Variants in GALNT2 observed in about 807,000 individuals in gnomAD.
GALNT2 encodes the protein UDP-GalNAc:polypeptide N-acetylgalactosaminyltransferase 2.
A neutral mutation model predicts 81.4 loss-of-function variants in GALNT2; 31 were observed. That is an observed-to-expected ratio of 0.38 (90% confidence interval 0.29 to 0.51). The LOEUF (loss-of-function observed/expected upper bound fraction) is 0.51, where lower values mean the gene tolerates loss of function less well. Ranked by LOEUF, GALNT2 falls within the 20% of genes least tolerant of loss-of-function variation. The probability of loss-of-function intolerance (pLI) is 0.87; values close to 1 mark genes in which losing one functional copy is unlikely to be tolerated. For missense variants in GALNT2, 629 were observed against 765.7 expected (o/e 0.82, Z 2.11); for synonymous variants, 303 against 287.4 (o/e 1.05, Z -0.55).
At chr1:230,177,666 C>T (rs191014986) in intron 1 of GALNT2, among the ~76,000 whole-genome samples, 2 of 152,090 alleles carry the variant, frequency 1.3e-5, no homozygotes, top group African/African-American at 2.4e-5. Flanking sequence ...CATTGGCAGT[C>T]CTATTAGAGT....
intron 2 of GALNT2, among the ~76,000 whole-genome samples, chr1:230,182,530 G>C (rs559038897): frequency 2.0e-5 from 3 of 152,214 alleles, no homozygotes; most frequent in African/African-American, 7.2e-5. Context: ...CATGTACTTT[G>C]GGATTTCCCA....
At chr1:230,268,299 T>C (rs1460880925) in intron 14 of GALNT2, 1 of 150,960 alleles carries the variant, frequency 6.6e-6, no homozygotes, top group Admixed American at 6.6e-5. Context: ...TGGGTGAAGC[T>C]TACCTCTGGT....
chr1:230,253,599 TG>T (rs1665616486), intron 10 of GALNT2, among the ~76,000 whole-genome samples: 2 of 152,366 alleles, frequency 1.3e-5, no homozygotes, highest in East Asian at 3.9e-4. Flanking sequence ...TACATAGTGA[TG>T]TTTTTAATAC....
chr1:230,149,631 C>T (rs1467816434), intron 1 of GALNT2, among the ~76,000 whole-genome samples: 1 of 152,068 alleles, frequency 6.6e-6, no homozygotes, highest in Non-Finnish European at 1.5e-5. Flanking sequence ...GTGCGTCCTG[C>T]CACAGTGTTA....
intron 1 of GALNT2, among the ~76,000 whole-genome samples, chr1:230,139,345 T>C (rs1401908093): frequency 2.0e-5 from 3 of 152,226 alleles, no homozygotes; most frequent in Non-Finnish European, 4.4e-5. Flanking sequence ...GTGTCCCTTC[T>C]GATGAGAAGT....
chr1:230,246,385 T>C (rs1004750317), intron 8 of GALNT2, among the ~76,000 whole-genome samples: 4 of 152,236 alleles, frequency 2.6e-5, no homozygotes, highest in Non-Finnish European at 5.9e-5. Context: ...CTTGACCTTC[T>C]GTCACTTTTG....
chr1:230,092,845 G>A (rs971631335), intron 1 of GALNT2, among the ~76,000 whole-genome samples: 10 of 152,182 alleles, frequency 6.6e-5, no homozygotes, highest in African/African-American at 2.4e-4. Flanking sequence ...AATTTAGGGG[G>A]TAGAGGGGAT....
At chr1:230,065,439 G>C (rs570809744), upstream of GALNT2, among the ~76,000 whole-genome samples, 1 of 152,100 alleles carries the variant, frequency 6.6e-6, no homozygotes, top group Non-Finnish European at 1.5e-5. Context: ...GTGTGTGTGT[G>C]TATGTGTATA....
intron 1 of GALNT2, among the ~76,000 whole-genome samples, chr1:230,099,389 A>G (rs958507721): frequency 1.3e-5 from 2 of 152,116 alleles, no homozygotes; most frequent in African/African-American, 4.8e-5. Flanking sequence ...TCTGGGGGTA[A>G]GCATAGTTGA....
Position 230,243,563 on chromosome 1 carries a change from A to G in GALNT2, c.729+136A>G. The G allele has an allele frequency of 8.8e-7, 1 of 1,139,602 alleles. No homozygotes were observed. Among genetic ancestry groups the G allele is most frequent in the Non-Finnish European group, 1.2e-6 (1 of 844,584 alleles). The allele number at this position is 1,139,602 out of a possible 1,614,324, so 70.6% of individuals were successfully genotyped here. A position where few individuals can be genotyped will look rare whatever the true frequency, so the allele number is the denominator to read the frequency against. On this transcript the variant is annotated intron_variant, in intron 7 of 15. Coordinates refer to ENST00000366672, the MANE Select transcript of GALNT2 (RefSeq NM_004481.5). The surrounding 1 kb of genome is among the most constrained non-coding windows in gnomAD (Gnocchi z 4.2). ...GGTAGGGGCTGAGCTCGCCGTCTGC[A>G]GTTTTCCTTGATAGAAGGAAAATGC...
At chr1:230,099,022 G>A (rs1226576028) in intron 1 of GALNT2, among the ~76,000 whole-genome samples, 3 of 152,298 alleles carry the variant, frequency 2.0e-5, no homozygotes, top group South Asian at 2.1e-4. Context: ...GCGGAATCAC[G>A]ACATGAGAGG....
intron 1 of GALNT2, among the ~76,000 whole-genome samples, chr1:230,177,083 A>G (rs371366833): frequency 6.6e-6 from 1 of 152,270 alleles, no homozygotes; most frequent in Non-Finnish European, 1.5e-5. Context: ...TTTCTGTCTA[A>G]TTACCGCACC....
At chr1:230,255,157 T>G (rs1665668389) in intron 10 of GALNT2, 61 bp from the exon 11 acceptor site, 1 of 1,612,330 alleles carries the variant, frequency 6.2e-7, no homozygotes, top group African/African-American at 1.3e-5. Context: ...TTGGTGTGTC[T>G]GCTGTTGCAG....
At chr1:230,057,936 G>A (rs1326733818), upstream of GALNT2, 7 of 440,656 alleles carry the variant, frequency 1.6e-5, no homozygotes, top group Non-Finnish European at 3.2e-5. Context: ...GGGGCTAGGA[G>A]GATTCCGCTG....
At chr1:230,111,228 T>C (rs556555398) in intron 1 of GALNT2, among the ~76,000 whole-genome samples, 1 of 152,324 alleles carries the variant, frequency 6.6e-6, no homozygotes, top group South Asian at 2.1e-4. Flanking sequence ...CATGCATGCA[T>C]GTACCTACAC....
upstream of GALNT2, chr1:230,067,207 C>A (rs1659215932): frequency 1.0e-6 from 1 of 964,246 alleles, no homozygotes; most frequent in Non-Finnish European, 1.3e-6. Flanking sequence ...CTCCCCCGGC[C>A]CCCACCGCGC....
At chr1:230,160,767 T>G (rs1255801912) in intron 1 of GALNT2, among the ~76,000 whole-genome samples, 1 of 151,812 alleles carries the variant, frequency 6.6e-6, no homozygotes, top group Non-Finnish European at 1.5e-5. Context: ...CAGAGATGGC[T>G]CTTAAAGCTC....
chr1:230,071,631 G>A (rs756056400), intron 1 of GALNT2, among the ~76,000 whole-genome samples: 6 of 152,172 alleles, frequency 3.9e-5, no homozygotes, highest in Non-Finnish European at 7.3e-5. Context: ...AAATCTGTGA[G>A]CATCTTGGTG....
chr1:230,139,616 TG>T (rs1364916060), intron 1 of GALNT2, among the ~76,000 whole-genome samples: 1 of 152,178 alleles, frequency 6.6e-6, no homozygotes, highest in East Asian at 1.9e-4. Context: ...CAGCTAGAAT[TG>T]TAAGAAAATG....
Sources: gnomAD v4.1 joint callset for allele counts (sites outside exome capture counted in the v4.1 genomes callset) on GRCh38, gnomAD v4.1.1 for gene constraint, Gnocchi (gnomAD v3.1) non-coding constraint, MANE v1.5 for transcripts, NCBI Gene and HGNC (gene_info 2026-07-23, HGNC 2026-07-21) for gene names.